FOXP1: variants seen among roughly 807,000 people sequenced by gnomAD.
The protein encoded by FOXP1 is forkhead box P1.
FOXP1 carries 15 observed loss-of-function variants against 98.2 expected under a neutral mutation model. That is an observed-to-expected ratio of 0.15 (90% CI 0.10 to 0.24). FOXP1 has a LOEUF of 0.24. Ranked by LOEUF, FOXP1 falls within the 10% of genes least tolerant of loss-of-function variation. The probability of loss-of-function intolerance (pLI) is 1.00; values close to 1 mark genes in which losing one functional copy is unlikely to be tolerated. For synonymous variants in FOXP1, 371 were observed against 314.5 expected, an observed-to-expected ratio of 1.18 and a Z score of -1.90; for missense variants, 633 against 848.5, an observed-to-expected ratio of 0.75 and a Z score of 3.15.
At chr3:71,030,833 TTC>T (rs941034300) in intron 11 of FOXP1, among the ~76,000 whole-genome samples, 1 of 152,236 alleles carries the variant, frequency 6.6e-6, no homozygotes, top group African/African-American at 2.4e-5. Context: ...ACTGCCATTT[TTC>T]TCTCACACTG....
At chr3:71,578,499 T>C (rs541270595) in intron 2 of FOXP1, among the ~76,000 whole-genome samples, 1 of 152,230 alleles carries the variant, frequency 6.6e-6, no homozygotes, top group East Asian at 1.9e-4. Flanking sequence ...TAAATATACA[T>C]ACTTTTTGAG....
chr3:71,028,334 G>T (rs2046410106), intron 11 of FOXP1, among the ~76,000 whole-genome samples: 1 of 152,196 alleles, frequency 6.6e-6, no homozygotes, highest in African/African-American at 2.4e-5. Flanking sequence ...TGGGGACGTT[G>T]TAAGGCAGTG....
intron 5 of FOXP1, among the ~76,000 whole-genome samples, chr3:71,274,400 A>C (rs905409673): frequency 1.3e-5 from 2 of 152,090 alleles, no homozygotes; most frequent in Non-Finnish European, 2.9e-5. Context: ...CCTTCTCTGC[A>C]CCCCTTGGAG....
chr3:71,504,789 C>T (rs1480731838), intron 2 of FOXP1, among the ~76,000 whole-genome samples: 3 of 152,222 alleles, frequency 2.0e-5, no homozygotes. Flanking sequence ...AAGGAACACG[C>T]TGGTCCTTCA....
intron 2 of FOXP1, among the ~76,000 whole-genome samples, chr3:71,575,014 T>C (rs1398000041): frequency 6.6e-6 from 1 of 152,206 alleles, no homozygotes; most frequent in Non-Finnish European, 1.5e-5. Flanking sequence ...ACTCTGATAA[T>C]TGACAGGTCC....
intron 2 of FOXP1, among the ~76,000 whole-genome samples, chr3:71,533,675 G>C (rs758788282): frequency 5.9e-5 from 9 of 152,004 alleles, no homozygotes; most frequent in Non-Finnish European, 1.2e-4. Flanking sequence ...TTATTTTTCG[G>C]GTGTTTTAAA....
chr3:71,232,758 A>C (rs1205382559), intron 5 of FOXP1, among the ~76,000 whole-genome samples: 1 of 150,898 alleles, frequency 6.6e-6, no homozygotes, highest in Non-Finnish European at 1.5e-5. Context: ...AAATTTAGCC[A>C]ATTGCAGTGA....
At chr3:71,285,704 T>G (rs1383524980) in intron 5 of FOXP1, among the ~76,000 whole-genome samples, 2 of 152,192 alleles carry the variant, frequency 1.3e-5, no homozygotes, top group Non-Finnish European at 2.9e-5. Context: ...TTTTTAACAG[T>G]CAAATTTTAA....
chr3:71,404,713 A>T (rs544109270), intron 3 of FOXP1, among the ~76,000 whole-genome samples: 1 of 152,346 alleles, frequency 6.6e-6, no homozygotes, highest in East Asian at 1.9e-4. Flanking sequence ...GTGCAGGCAA[A>T]TTAATTGTAT....
At chr3:70,988,181 T>C (rs749687986) in intron 13 of FOXP1, 104 bp from the exon 14 acceptor site, 10 of 1,019,848 alleles carry the variant, frequency 9.8e-6, no homozygotes, top group Non-Finnish European at 1.6e-5. Context: ...CCACAGCACA[T>C]GATAAAATCA....
intron 2 of FOXP1, among the ~76,000 whole-genome samples, chr3:71,566,100 T>C (rs907115237): frequency 2.0e-5 from 3 of 152,182 alleles, no homozygotes; most frequent in East Asian, 3.9e-4. Flanking sequence ...CTGACCACCA[T>C]GACAGCAGTT....
chr3:71,092,203 A>T (rs2107608928), intron 7 of FOXP1, among the ~76,000 whole-genome samples: 1 of 149,976 alleles, frequency 6.7e-6, no homozygotes, highest in Non-Finnish European at 1.5e-5. Flanking sequence ...AAAAAAACAA[A>T]AAACAAAAAA....
intron 19 of FOXP1, chr3:70,969,423 T>C (rs554819010): frequency 1.3e-5 from 2 of 152,344 alleles, no homozygotes; most frequent in Admixed American, 6.5e-5. Flanking sequence ...CCAGTGAATC[T>C]GCCTCTAAAC....
chr3:71,016,656 A>AACACACACACAC (rs4056100), intron 11 of FOXP1, among the ~76,000 whole-genome samples: 23 of 146,256 alleles, frequency 1.6e-4, no homozygotes, highest in Admixed American at 6.9e-4. Flanking sequence ...TGATTACAAG[A>AACACACACACAC]ACACACACAC....
At chr3:71,322,079 G>A (rs1320536271) in intron 4 of FOXP1, among the ~76,000 whole-genome samples, 1 of 152,082 alleles carries the variant, frequency 6.6e-6, no homozygotes, top group African/African-American at 2.4e-5. Flanking sequence ...TGTGTAGAGA[G>A]GTGTATAAAC....
chr3:71,372,167 C>T (rs560038770), intron 3 of FOXP1, among the ~76,000 whole-genome samples: 27 of 146,656 alleles, frequency 1.8e-4, no homozygotes, highest in Admixed American at 4.9e-4. Flanking sequence ...CATGCACCAC[C>T]ATTCCTGGCT....
chr3:71,107,360 C>T (rs1455706030), intron 7 of FOXP1, among the ~76,000 whole-genome samples: 5 of 151,982 alleles, frequency 3.3e-5, no homozygotes, highest in Admixed American at 2.6e-4. Flanking sequence ...TGTTCATGTG[C>T]GTTTTTCTGG....
At chr3:71,422,184 G>A (rs890109432) in intron 3 of FOXP1, among the ~76,000 whole-genome samples, 1 of 152,190 alleles carries the variant, frequency 6.6e-6, no homozygotes, top group African/African-American at 2.4e-5. Flanking sequence ...AACACGTAAG[G>A]AAGTTAGAAG....
At chr3:71,298,025 T>G (rs17655393) in intron 5 of FOXP1, among the ~76,000 whole-genome samples, 37,809 of 152,090 alleles carry the variant, frequency 0.25, 4,960 homozygotes, top group Non-Finnish European at 0.28. Flanking sequence ...TGTGAGATTA[T>G]AGAGACCAGG....
Sources: gnomAD v4.1 joint callset for allele counts (sites outside exome capture counted in the v4.1 genomes callset) on GRCh38, gnomAD v4.1.1 for gene constraint, MANE v1.5 for transcripts, NCBI Gene and HGNC (gene_info 2026-07-23, HGNC 2026-07-21) for gene names.